The following PRDM5 variants were observed in gnomAD, a reference collection of about 807,000 sequenced individuals.
The protein encoded by PRDM5 is PR/SET domain 5.
PRDM5 carries 56 observed loss-of-function variants against 81.2 expected under a neutral mutation model. The ratio of observed to expected loss-of-function variants is 0.69; its 90% CI spans 0.56 to 0.86. PRDM5 has a LOEUF of 0.86. PRDM5 is among the 40% of genes least tolerant of loss of function. The pLI is 0.00. For synonymous variants in PRDM5, 267 were observed against 256.4 expected, an observed-to-expected ratio of 1.04 and a Z score of -0.39; for missense variants, 697 against 770.1, an observed-to-expected ratio of 0.91 and a Z score of 1.12.
intron 1 of PRDM5, among the ~76,000 whole-genome samples, chr4:120,912,830 G>GC (rs1766671371): frequency 6.6e-6 from 1 of 152,142 alleles, no homozygotes; most frequent in South Asian, 2.1e-4. Flanking sequence ...GAATCAATCT[G>GC]CAGTTGAGTC....
chr4:120,758,473 T>C (rs1003489003), intron 13 of PRDM5, among the ~76,000 whole-genome samples: 5 of 152,068 alleles, frequency 3.3e-5, no homozygotes, highest in African/African-American at 1.2e-4. Context: ...TCAAATATGA[T>C]TGATGTCCTC....
In PRDM5 at chr4:120,746,686, C is replaced by G. The variant is rs1743118487; in HGVS notation, c.1623+7867G>C. ...CAGCCAAAAAACACATGAAAAAATG[C>G]TCATCATCACCGGCCATCAGAGAAA... On this transcript the variant is annotated intron_variant, in intron 14 of 15. Coordinates refer to ENST00000264808, the MANE Select transcript of PRDM5 (RefSeq NM_018699.4). Among the ~76,000 whole-genome samples, 3 of 148,224 alleles carry G rather than the reference C, an allele frequency of 2.0e-5. No homozygotes were observed. The Admixed American group carries it at 2.0e-4, about 10-fold the overall frequency.
At chr4:120,771,774 A>G (rs968800208) in intron 13 of PRDM5, among the ~76,000 whole-genome samples, 1 of 152,216 alleles carries the variant, frequency 6.6e-6, no homozygotes, top group Non-Finnish European at 1.5e-5. Flanking sequence ...AGAAAATAAT[A>G]TAGGAGGTTA....
intron 9 of PRDM5, among the ~76,000 whole-genome samples, chr4:120,799,035 A>G (rs1326103516): frequency 6.6e-6 from 1 of 152,206 alleles, no homozygotes; most frequent in African/African-American, 2.4e-5. Context: ...AAACATTCTG[A>G]CTTCAATCGC....
chr4:120,719,438 T>C (rs1738267985), intron 14 of PRDM5, among the ~76,000 whole-genome samples: 1 of 152,214 alleles, frequency 6.6e-6, no homozygotes, highest in Non-Finnish European at 1.5e-5. Context: ...CACGGTTTCT[T>C]TATTTATCAT....
chr4:120,765,949 T>C (rs1368454936), intron 13 of PRDM5, among the ~76,000 whole-genome samples: 5 of 145,242 alleles, frequency 3.4e-5, no homozygotes, highest in African/African-American at 1.3e-4. Flanking sequence ...CAGTTGGGAC[T>C]TTTTTTTTTC....
In PRDM5 at chr4:120,794,546, CACACACACACACAT is replaced by C. The variant is rs970563918; in HGVS notation, c.1188+3707_1188+3720del. On this transcript the variant is annotated intron_variant, in intron 10 of 15. Coordinates refer to ENST00000264808, the MANE Select transcript of PRDM5 (RefSeq NM_018699.4). ...ACACACACACACACACACACACACA[CACACACACACACAT>C]ACAAATACACACAAATACATGTATT... 5.3e-5 allele frequency among the ~76,000 whole-genome samples: 8 copies of C among 151,090 alleles called. No individual in the cohort carries two copies. The South Asian group carries it at 8.4e-4, about 16-fold the overall frequency.
At chr4:120,907,669 G>A in intron 1 of PRDM5, 112 bp from the exon 2 acceptor site, 1 of 843,250 alleles carries the variant, frequency 1.2e-6, no homozygotes, top group Admixed American at 1.8e-5. Flanking sequence ...GCCCAAAGAA[G>A]AGATGCTTTT....
At chr4:120,786,020 A>G (rs58312461) in intron 10 of PRDM5, among the ~76,000 whole-genome samples, 4,937 of 152,246 alleles carry the variant, frequency 0.032, 266 homozygotes, top group African/African-American at 0.11. Context: ...AGATGGCATG[A>G]TAATAAGTCT....
intron 2 of PRDM5, among the ~76,000 whole-genome samples, chr4:120,905,588 A>G (rs1212422843): frequency 6.6e-6 from 1 of 152,162 alleles, no homozygotes; most frequent in African/African-American, 2.4e-5. Flanking sequence ...ATTCTGCCTC[A>G]AGACCACAGC....
chr4:120,730,328 G>A (rs913495300), intron 14 of PRDM5, among the ~76,000 whole-genome samples: 5 of 152,174 alleles, frequency 3.3e-5, no homozygotes, highest in Non-Finnish European at 2.9e-5. Context: ...TCTCTTCACC[G>A]TTGCAATATG....
At chr4:120,806,744 C>T (rs1753026095) in intron 8 of PRDM5, among the ~76,000 whole-genome samples, 1 of 152,128 alleles carries the variant, frequency 6.6e-6, no homozygotes, top group Non-Finnish European at 1.5e-5. Flanking sequence ...ACCATAAAAA[C>T]CCTAGAAGAA....
intron 2 of PRDM5, among the ~76,000 whole-genome samples, chr4:120,893,458 T>C (rs1276134486): frequency 6.6e-6 from 1 of 152,138 alleles, no homozygotes; most frequent in Non-Finnish European, 1.5e-5. Context: ...TTTTGGCCCA[T>C]CCCCCAAGAC....
intron 14 of PRDM5, among the ~76,000 whole-genome samples, chr4:120,742,942 C>T (rs1462313338): frequency 3.9e-5 from 6 of 152,014 alleles, no homozygotes; most frequent in African/African-American, 1.5e-4. Context: ...CACAAAGATA[C>T]TCCTCGAGAA....
rs1734103979 is a variant in PRDM5 at position 120,692,273 on chromosome 4, G to A, written c.*2838C>T. 1 of 152,056 alleles carries A rather than the reference G, an allele frequency of 6.6e-6. No individual in the cohort carries two copies. The highest frequency in any genetic ancestry group is 2.4e-5 in the African/African-American group (1 of 41,416). The allele number at this position is 152,056 out of a possible 1,614,324, so 9.4% of individuals were successfully genotyped here. Reference sequence around the variant, plus strand: ...AATACATGTTCACACTCATGCATGAGTTGACTGTAATAGGTCAGAAGATAT... The same window carrying A: ...AATACATGTTCACACTCATGCATGAATTGACTGTAATAGGTCAGAAGATAT... On this transcript the variant is annotated 3_prime_UTR_variant, in exon 16 of 16. Transcript: ENST00000264808.
chr4:120,870,746 T>C (rs1268412946), intron 2 of PRDM5, among the ~76,000 whole-genome samples: 4 of 152,166 alleles, frequency 2.6e-5, no homozygotes, highest in African/African-American at 9.7e-5. Context: ...TTGGGCTCCG[T>C]GTGACATTTG....
chr4:120,845,423 T>C (rs1440331424), intron 3 of PRDM5, among the ~76,000 whole-genome samples: 1 of 152,214 alleles, frequency 6.6e-6, no homozygotes, highest in East Asian at 1.9e-4. Context: ...CAGAAAATCC[T>C]AGGGCCCTTA....
intron 14 of PRDM5, among the ~76,000 whole-genome samples, chr4:120,732,367 ATT>A (rs1740398727): frequency 6.6e-6 from 1 of 152,200 alleles, no homozygotes; most frequent in African/African-American, 2.4e-5. Context: ...AGATAATATT[ATT>A]TGTTTTATGC....
At chr4:120,721,326 A>T (rs34631575) in intron 14 of PRDM5, among the ~76,000 whole-genome samples, 30,818 of 152,078 alleles carry the variant, frequency 0.2, 3,569 homozygotes, top group Non-Finnish European at 0.28. Flanking sequence ...AAAAACATTG[A>T]TGCCTAGGGC....
Sources: allele counts gnomAD v4.1 joint callset (sites outside exome capture counted in the v4.1 genomes callset), GRCh38; gene constraint gnomAD v4.1.1; transcripts MANE v1.5; gene names NCBI Gene and HGNC (gene_info 2026-07-23, HGNC 2026-07-21).